Variants in PLCB1 observed in about 807,000 individuals in gnomAD.
PLCB1 encodes 1-phosphatidylinositol 4,5-bisphosphate phosphodiesterase beta-1.
Under a neutral mutation model 161.8 loss-of-function variants are expected in PLCB1, and 46 were observed. The observed-to-expected ratio is 0.28, with a 90% confidence interval of 0.22 to 0.36. The LOEUF (loss-of-function observed/expected upper bound fraction) is 0.36, where lower values mean the gene tolerates loss of function less well. Ranked by LOEUF, PLCB1 falls within the 10% of genes least tolerant of loss-of-function variation. The pLI is 1.00. For synonymous variants in PLCB1, 517 were observed against 503.7 expected (o/e 1.03, Z -0.35); for missense variants, 1,016 against 1,472.5 (o/e 0.69, Z 5.07).
intron 15 of PLCB1, among the ~76,000 whole-genome samples, chr20:8,724,256 T>C (rs1979811897): frequency 1.3e-5 from 2 of 152,132 alleles, no homozygotes; most frequent in South Asian, 4.1e-4. Flanking sequence ...ACAACACCTA[T>C]GGACACCCTG....
rs1985331849 is a variant in PLCB1 at position 8,541,600 on chromosome 20, GAAA to G, written c.247-86693_247-86691del. ...AGAAAGAAAGAAAGAAAGAAAGAAA[GAAA>G]GAAAGGAAGGAAGATAGTAATGAAA... On this transcript the variant is annotated intron_variant, in intron 3 of 31. Coordinates refer to ENST00000338037, the MANE Select transcript of PLCB1 (RefSeq NM_015192.4). 1.5e-4 allele frequency among the ~76,000 whole-genome samples: 22 copies of G among 150,758 alleles called. No homozygotes were observed. The South Asian group carries it at 1.5e-3, about 10-fold the overall frequency.
At chr20:8,496,651 C>T (rs1983186192) in intron 3 of PLCB1, among the ~76,000 whole-genome samples, 1 of 152,084 alleles carries the variant, frequency 6.6e-6, no homozygotes, top group African/African-American at 2.4e-5. Context: ...TCCCAGGGTG[C>T]TTTTTTGGCA....
chr20:8,449,895 T>C (rs188291063), intron 3 of PLCB1, among the ~76,000 whole-genome samples: 1 of 152,354 alleles, frequency 6.6e-6, no homozygotes, highest in East Asian at 1.9e-4. Context: ...ATAATCTTAC[T>C]AATGGACTAT....
chr20:8,548,966 C>T (rs1285175191), intron 3 of PLCB1, among the ~76,000 whole-genome samples: 2 of 152,116 alleles, frequency 1.3e-5, no homozygotes, highest in African/African-American at 4.8e-5. Context: ...ATGGGAAAGA[C>T]ACAATCCCTG....
At chr20:8,362,763 ATATT>A (rs1375433323) in intron 2 of PLCB1, among the ~76,000 whole-genome samples, 20 of 152,314 alleles carry the variant, frequency 1.3e-4, no homozygotes, top group African/African-American at 2.9e-4. Context: ...AACTAGTGTT[ATATT>A]TATTTATCAT....
At chr20:8,750,442 A>T (rs1461474535) in intron 23 of PLCB1, among the ~76,000 whole-genome samples, 2 of 152,242 alleles carry the variant, frequency 1.3e-5, no homozygotes, top group Non-Finnish European at 2.9e-5. Context: ...AAAGAGCTGT[A>T]CAAGGAACAC....
chr20:8,729,918 A>AAAC (rs1980143730), intron 18 of PLCB1: 1 of 151,902 alleles, frequency 6.6e-6, no homozygotes, highest in Non-Finnish European at 1.5e-5. Flanking sequence ...TATTATCGTT[A>AAAC]AATAATAATA....
In PLCB1 at chr20:8,150,222, C is replaced by T. The variant is rs573582478; in HGVS notation, c.100-72C>T. The T allele has an allele frequency of 1.0e-4, 68 of 653,042 alleles. No homozygotes were observed. The South Asian group carries it at 1.3e-3, about 12-fold the overall frequency. The allele number at this position is 653,042 out of a possible 1,614,324, so 40.5% of individuals were successfully genotyped here. A position where few individuals can be genotyped will look rare whatever the true frequency, so the allele number is the denominator to read the frequency against. On this transcript the variant is annotated intron_variant, in intron 1 of 31. Coordinates refer to ENST00000338037, the MANE Select transcript of PLCB1 (RefSeq NM_015192.4). The stretch of plus-strand genomic sequence containing the variant: ...TGGAGAATCTGTACAATTATTACTT[C>T]TTAAATAACTCCTGGATAGATTTTT...
chr20:8,583,413 A>T (rs1234346430), intron 3 of PLCB1, among the ~76,000 whole-genome samples: 1 of 152,212 alleles, frequency 6.6e-6, no homozygotes, highest in Admixed American at 6.5e-5. Flanking sequence ...TAGTTTTTTT[A>T]AAAAACATAA....
At chr20:8,240,543 T>C (rs922228059) in intron 2 of PLCB1, among the ~76,000 whole-genome samples, 7 of 152,014 alleles carry the variant, frequency 4.6e-5, no homozygotes, top group African/African-American at 1.7e-4. Flanking sequence ...TTTTTTTCTG[T>C]TACCAATGAT....
intron 2 of PLCB1, among the ~76,000 whole-genome samples, chr20:8,196,781 T>A (rs2052029066): frequency 1.3e-5 from 2 of 152,016 alleles, no homozygotes; most frequent in Admixed American, 1.3e-4. Flanking sequence ...AACTTTTCAT[T>A]TACATTAGGT....
chr20:8,367,302 T>C (rs1347017368), intron 2 of PLCB1, among the ~76,000 whole-genome samples: 3 of 152,240 alleles, frequency 2.0e-5, no homozygotes, highest in Non-Finnish European at 4.4e-5. Flanking sequence ...ATATAATTAG[T>C]GCTTCTCAAA....
intron 4 of PLCB1, among the ~76,000 whole-genome samples, chr20:8,638,652 C>T (rs981802701): frequency 2.0e-5 from 3 of 152,122 alleles, no homozygotes; most frequent in Non-Finnish European, 2.9e-5. Flanking sequence ...GCCTTTCCAA[C>T]CCCTCTGAAC....
intron 2 of PLCB1, among the ~76,000 whole-genome samples, chr20:8,353,554 G>A (rs2122268475): frequency 6.6e-6 from 1 of 152,176 alleles, no homozygotes; most frequent in South Asian, 2.1e-4. Context: ...ATTAAGTCAT[G>A]TTGATAGTAG....
intron 14 of PLCB1, among the ~76,000 whole-genome samples, chr20:8,720,323 CTG>C (rs1044700717): frequency 6.6e-5 from 10 of 152,186 alleles, no homozygotes; most frequent in African/African-American, 2.4e-4. Flanking sequence ...GGGCAACAAT[CTG>C]TTAGTTATTC....
At chr20:8,291,634 G>A (rs1378167847) in intron 2 of PLCB1, among the ~76,000 whole-genome samples, 3 of 152,114 alleles carry the variant, frequency 2.0e-5, no homozygotes, top group African/African-American at 2.4e-5. Flanking sequence ...TACACAACTC[G>A]ATGGCACATT....
intron 2 of PLCB1, among the ~76,000 whole-genome samples, chr20:8,339,194 G>A (rs1007022710): frequency 2.0e-5 from 3 of 152,166 alleles, no homozygotes; most frequent in Non-Finnish European, 4.4e-5. Flanking sequence ...CATGGAGCAG[G>A]TGTCCATTTT....
chr20:8,526,245 A>G (rs927737198), intron 3 of PLCB1, among the ~76,000 whole-genome samples: 1 of 152,164 alleles, frequency 6.6e-6, no homozygotes, highest in Non-Finnish European at 1.5e-5. Context: ...GTTCATTTCT[A>G]TAAATGAAGC....
chr20:8,802,053 C>T, intron 31 of PLCB1: 1 of 1,563,008 alleles, frequency 6.4e-7, no homozygotes, highest in Non-Finnish European at 8.8e-7. Flanking sequence ...TTTTTCCACA[C>T]AGGGGGAAGG....
Sources: allele counts gnomAD v4.1 joint callset (sites outside exome capture counted in the v4.1 genomes callset), GRCh38; gene constraint gnomAD v4.1.1; transcripts MANE v1.5; gene names NCBI Gene and HGNC (gene_info 2026-07-23, HGNC 2026-07-21).